Variants in RGS3 observed in about 807,000 individuals in gnomAD.
The protein encoded by RGS3 is regulator of G-protein signalling 3.
Under a neutral mutation model 132.6 loss-of-function variants are expected in RGS3, and 80 were observed. That is an observed-to-expected ratio of 0.60 (90% CI 0.50 to 0.73). The LOEUF is 0.73. Among genes scored for constraint, RGS3 ranks in the 30% least tolerant of loss-of-function variants. RGS3 has a pLI of 0.00. For synonymous variants in RGS3, 598 were observed against 620.6 expected, an observed-to-expected ratio of 0.96 and a Z score of 0.54; for missense variants, 1,382 against 1,530.8, an observed-to-expected ratio of 0.90 and a Z score of 1.62.
chr9:113,542,595 C>T (rs748114112), intron 19 of RGS3, among the ~76,000 whole-genome samples: 1 of 152,160 alleles, frequency 6.6e-6, no homozygotes, highest in Non-Finnish European at 1.5e-5. Flanking sequence ...CTACCCTCCT[C>T]CTCAATGGCC....
chr9:113,449,971 C>T (rs377423801), intron 1 of RGS3, among the ~76,000 whole-genome samples: 2 of 152,102 alleles, frequency 1.3e-5, no homozygotes, highest in East Asian at 3.9e-4. Context: ...TCTTGAACTC[C>T]TGACCTCAGG....
exon 20 of RGS3, chr9:113,584,181 G>T: frequency 1.2e-6 from 2 of 1,614,224 alleles, no homozygotes; most frequent in South Asian, 1.1e-5. Flanking sequence ...AGACGGGCCA[G>T]GGGGCTGAGG....
chr9:113,497,404 G>A, exon 9 of RGS3: 1 of 1,612,596 alleles, frequency 6.2e-7, no homozygotes, highest in Non-Finnish European at 8.5e-7. Flanking sequence ...GCCGCTGAGA[G>A]GTACCTGCAC....
At chr9:113,561,280 C>T (rs138009717) in intron 19 of RGS3, among the ~76,000 whole-genome samples, 1,826 of 152,286 alleles carry the variant, frequency 0.012, 15 homozygotes, top group Non-Finnish European at 0.019. Flanking sequence ...CTGCCTCCAC[C>T]TCCCAAAGTG....
intron 19 of RGS3, among the ~76,000 whole-genome samples, chr9:113,553,949 G>T (rs1418677606): frequency 6.6e-6 from 1 of 152,222 alleles, no homozygotes; most frequent in Non-Finnish European, 1.5e-5. Flanking sequence ...TGATTAGATT[G>T]TTTCTAATGT....
At position 113,451,206 on chromosome 9, in the gene RGS3, G is replaced by C. The variant is rs549948318; in HGVS notation, c.-13+6279G>C. Among the ~76,000 whole-genome samples, 17 of 151,792 alleles carry C rather than the reference G, an allele frequency of 1.1e-4. No individual in the cohort carries two copies. In the East Asian group the frequency reaches 2.7e-3, roughly 24 times the overall value. On this transcript the variant is annotated intron_variant, in intron 1 of 25. Coordinates refer to the RGS3 transcript ENST00000374140. The stretch of plus-strand genomic sequence containing the variant: ...AAAAAAAGAAAAAAAAAAAAAAGGT[G>C]GGGGCAGGCCTTCAGTGATTGGAAA...
chr9:113,566,486 G>A (rs1834017622), intron 19 of RGS3, among the ~76,000 whole-genome samples: 1 of 152,170 alleles, frequency 6.6e-6, no homozygotes, highest in Non-Finnish European at 1.5e-5. Context: ...CTAGGACTCA[G>A]GGCAGGAGGA....
chr9:113,575,107 C>T (rs943668236), intron 19 of RGS3, among the ~76,000 whole-genome samples: 2 of 152,134 alleles, frequency 1.3e-5, no homozygotes, highest in Admixed American at 6.5e-5. Flanking sequence ...ACCCAGACCC[C>T]GGGAGCCGCC....
intron 14 of RGS3, among the ~76,000 whole-genome samples, chr9:113,513,414 A>G (rs1831494775): frequency 6.6e-6 from 1 of 152,016 alleles, no homozygotes; most frequent in Non-Finnish European, 1.5e-5. Flanking sequence ...AAGCCGGAGT[A>G]CCTCCTGGGT....
chr9:113,463,710 C>A lies in RGS3; in HGVS notation c.415+1509C>A. The stretch of plus-strand genomic sequence containing the variant: ...GCTTGGGGCAGCCCTACCTCCCGCT[C>A]GCGCTCCTCCCGCCCTGGAGACTCC... On this transcript the variant is annotated intron_variant, in intron 3 of 24. Transcript: ENST00000350696. The surrounding 1 kb of genome is among the most constrained non-coding windows in gnomAD (Gnocchi z 4.6). The A allele has an allele frequency of 1.4e-6, 2 of 1,451,344 alleles. No individual in the cohort carries two copies. The highest frequency in any genetic ancestry group is 2.7e-5 in the Admixed American group (1 of 36,840). 89.9% of individuals were successfully genotyped at this position (1,451,344 alleles called of 1,614,324 possible). A position where few individuals can be genotyped will look rare whatever the true frequency, so the allele number is the denominator to read the frequency against.
In RGS3 at chr9:113,565,411, T is replaced by G. The variant is rs1456677165; in HGVS notation, c.2038-18039T>G. On this transcript the variant is annotated intron_variant, in intron 19 of 24. Transcript: ENST00000350696. The surrounding 1 kb of genome is among the most constrained non-coding windows in gnomAD (Gnocchi z 5.7). ...GGAGGAGGAAGAGGAGGAGGACAAG[T>G]AGGAGGAGGAGGAAGAGGAGGAGGG... 1 of 1,276,040 alleles carries G rather than the reference T, an allele frequency of 7.8e-7. No homozygotes were observed. The highest frequency in any genetic ancestry group is 1.2e-5 in the South Asian group (1 of 81,176). The allele number at this position is 1,276,040 out of a possible 1,614,324, so 79.0% of individuals were successfully genotyped here.
intron 19 of RGS3, among the ~76,000 whole-genome samples, chr9:113,561,097 C>G (rs956837536): frequency 6.6e-6 from 1 of 152,050 alleles, no homozygotes; most frequent in Non-Finnish European, 1.5e-5. Flanking sequence ...GATCTCGGCT[C>G]ACTGCAATCT....
chr9:113,471,279 A>G (rs1464834926), intron 3 of RGS3, among the ~76,000 whole-genome samples: 1 of 151,796 alleles, frequency 6.6e-6, no homozygotes, highest in Non-Finnish European at 1.5e-5. Flanking sequence ...CCTAGTTCCT[A>G]TTCCTCTAGC....
At chr9:113,465,816 A>G (rs941739838) in intron 3 of RGS3, among the ~76,000 whole-genome samples, 1 of 152,160 alleles carries the variant, frequency 6.6e-6, no homozygotes, top group Non-Finnish European at 1.5e-5. Context: ...TTATTCGTGC[A>G]GGCTCCTCTC....
At chr9:113,465,767 GCAGA>G (rs1829620363) in intron 3 of RGS3, among the ~76,000 whole-genome samples, 1 of 152,114 alleles carries the variant, frequency 6.6e-6, no homozygotes, top group Admixed American at 6.5e-5. Context: ...TGTGCAGGAG[GCAGA>G]CAGGAGCCTG....
At chr9:113,447,375 GATAA>G (rs1186493106) in intron 1 of RGS3, among the ~76,000 whole-genome samples, 1 of 41,544 alleles carries the variant, frequency 2.4e-5, no homozygotes, top group Non-Finnish European at 5.6e-5. Context: ...AAGGGTTGAA[GATAA>G]ATAAGGTAGA....
At chr9:113,474,726 T>C (rs1232258998) in intron 3 of RGS3, among the ~76,000 whole-genome samples, 2 of 152,234 alleles carry the variant, frequency 1.3e-5, no homozygotes, top group African/African-American at 4.8e-5. Flanking sequence ...GTGACAGTTC[T>C]TAAATGGGCA....
At chr9:113,500,206 G>T (rs1028851560) in intron 10 of RGS3, among the ~76,000 whole-genome samples, 1 of 152,244 alleles carries the variant, frequency 6.6e-6, no homozygotes, top group South Asian at 2.1e-4. Context: ...CAAAGAGGGT[G>T]TGCTTCTCAG....
At chr9:113,582,319 A>C in intron 19 of RGS3, 2 of 632,710 alleles carry the variant, frequency 3.2e-6, no homozygotes, top group Non-Finnish European at 3.9e-6. Flanking sequence ...AGAGCTCTTA[A>C]CCCATGTTCT....
Sources: allele counts gnomAD v4.1 joint callset (sites outside exome capture counted in the v4.1 genomes callset), GRCh38; gene constraint gnomAD v4.1.1; non-coding constraint Gnocchi (gnomAD v3.1); transcripts MANE v1.5; gene names NCBI Gene and HGNC (gene_info 2026-07-23, HGNC 2026-07-21).